The following DENND5B variants were observed in gnomAD, a reference collection of about 807,000 sequenced individuals.
DENND5B encodes the protein DENN domain containing 5B.
A neutral mutation model predicts 140.6 loss-of-function variants in DENND5B; 34 were observed. That is an observed-to-expected ratio of 0.24 (90% CI 0.18 to 0.32). The LOEUF (loss-of-function observed/expected upper bound fraction) is 0.32. Ranked by LOEUF, DENND5B falls within the 10% of genes least tolerant of loss-of-function variation. DENND5B has a pLI of 1.00. For missense variants in DENND5B, 1,142 were observed against 1,560.2 expected (o/e 0.73, Z 4.52); for synonymous variants, 551 against 562.1 (o/e 0.98, Z 0.28).
chr12:31,426,209 ATGGGGGTTAAC>A, intron 9 of DENND5B, 73 bp downstream of exon 9: 1 of 1,441,686 alleles, frequency 6.9e-7, no homozygotes, highest in Non-Finnish European at 9.2e-7. Context: ...ACATGCTTAA[ATGGGGGTTAAC>A]TCAGTTCATC....
At chr12:31,513,408 G>C (rs1218355159) in intron 1 of DENND5B, among the ~76,000 whole-genome samples, 2 of 152,172 alleles carry the variant, frequency 1.3e-5, no homozygotes, top group Admixed American at 6.5e-5. Flanking sequence ...TTCACCTCTT[G>C]AGGGTAAAGT....
At chr12:31,447,806 A>G in intron 5 of DENND5B, 37 bp from the exon 6 acceptor site, 1 of 1,426,200 alleles carries the variant, frequency 7.0e-7, no homozygotes. Flanking sequence ...TAGTGCAAAG[A>G]GACCATCTCA....
chr12:31,390,368 G>T (rs1941064955), intron 19 of DENND5B, among the ~76,000 whole-genome samples: 1 of 152,220 alleles, frequency 6.6e-6, no homozygotes, highest in Non-Finnish European at 1.5e-5. Flanking sequence ...GCCAGGCATG[G>T]TGGCTCACGC....
Position 31,409,295 on chromosome 12 carries a change from T to G in DENND5B, c.2771A>C (p.Tyr924Ser). 6.4e-7 allele frequency: 1 copy of G among 1,572,006 alleles called. No homozygotes were observed. The highest frequency in any genetic ancestry group is 8.6e-7 in the Non-Finnish European group (1 of 1,157,692). The change falls in exon 14 of 21, where the codon TAT (tyrosine) becomes TCT (serine). Residue 924 changes from tyrosine to serine, a missense_variant. Physicochemically the swap from Tyr to Ser is moderately radical, Grantham distance 144 (BLOSUM62 -2). Around this residue, in one of 5 missense-constraint regions of DENND5B, gnomAD observed 268 missense variants for 349.2 expected, o/e 0.77. Transcript: ENST00000389082. ...GGTGAACACACTGGTGAAGCAGAAA[T>G]AGTCCACAGCATTGAGAGAAAGAAG... ...YHLLSLNAVD[Y>S]FCFTSVFTTI...
chr12:31,385,128 G>C lies in DENND5B; in HGVS notation c.*2475C>G, dbSNP rs1408955897. 1.3e-5 allele frequency: 2 copies of C among 152,088 alleles called. No homozygotes were observed. Among genetic ancestry groups the C allele is most frequent in the African/African-American group, 2.4e-5 (1 of 41,390 alleles). The allele number at this position is 152,088 out of a possible 1,614,324, so 9.4% of individuals were successfully genotyped here. On this transcript the variant is annotated 3_prime_UTR_variant, in exon 21 of 21. Coordinates refer to ENST00000389082, the MANE Select transcript of DENND5B (RefSeq NM_144973.4). ...TAATTCCCAATAATCTGAGAGCAAT[G>C]TGTTAATATGAATATTAATTCTTCT... is the stretch of plus-strand genomic sequence containing the variant.
At chr12:31,524,041 CTT>C (rs148193944) in intron 1 of DENND5B, among the ~76,000 whole-genome samples, 55 of 121,526 alleles carry the variant, frequency 4.5e-4, no homozygotes, top group Middle Eastern at 4.4e-3. Flanking sequence ...CTACTGAGCC[CTT>C]TTTTTTTTTT....
Position 31,384,122 on chromosome 12 carries a change from C to T in DENND5B, c.*3481G>A, listed in dbSNP as rs1593021237. 6.6e-6 allele frequency: 1 copy of T among 152,324 alleles called. No individual in the cohort carries two copies. The highest frequency in any genetic ancestry group is 1.9e-4 in the East Asian group (1 of 5,186). The allele number at this position is 152,324 out of a possible 1,614,324, so 9.4% of individuals were successfully genotyped here. On this transcript the variant is annotated 3_prime_UTR_variant, in exon 21 of 21. Coordinates refer to ENST00000389082, the MANE Select transcript of DENND5B (RefSeq NM_144973.4). ...TCAAGCATTTATTCTAAGCATTCTG[C>T]TACTACTGTTGTGCTCAAACTTTTG...
chr12:31,488,892 C>T (rs793177), intron 2 of DENND5B, among the ~76,000 whole-genome samples: 122,451 of 152,184 alleles, frequency 0.8, 49,647 homozygotes, highest in African/African-American at 0.89. Flanking sequence ...GATGATCAGA[C>T]TACTACTAGT....
chr12:31,449,790 C>A (rs929721030), intron 5 of DENND5B, among the ~76,000 whole-genome samples: 2 of 141,850 alleles, frequency 1.4e-5, no homozygotes, highest in Non-Finnish European at 3.0e-5. Context: ...CGTCCAGTGG[C>A]GTGATCTCAG....
At chr12:31,571,764 G>T (rs565718761) in intron 1 of DENND5B, among the ~76,000 whole-genome samples, 2 of 152,002 alleles carry the variant, frequency 1.3e-5, no homozygotes, top group African/African-American at 4.8e-5. Flanking sequence ...GAGCCACCAC[G>T]CCCGGCTAAT....
chr12:31,430,794 T>G (rs559440406), intron 8 of DENND5B, among the ~76,000 whole-genome samples: 1 of 152,338 alleles, frequency 6.6e-6, no homozygotes, highest in African/African-American at 2.4e-5. Flanking sequence ...GGTACAGTTA[T>G]TAGCCAACAG....
chr12:31,407,221 C>T (rs1357292289), intron 14 of DENND5B, among the ~76,000 whole-genome samples: 1 of 152,090 alleles, frequency 6.6e-6, no homozygotes. Flanking sequence ...ACCTCCGCCT[C>T]CCGGGTTCAA....
intron 1 of DENND5B, among the ~76,000 whole-genome samples, chr12:31,525,872 G>C (rs1948068161): frequency 6.6e-6 from 1 of 152,052 alleles, no homozygotes; most frequent in Non-Finnish European, 1.5e-5. Flanking sequence ...AAGTGCCTGT[G>C]GTCCCAGCTA....
chr12:31,551,378 T>C lies in DENND5B; in HGVS notation c.127+39328A>G, dbSNP rs563713134. Among the ~76,000 whole-genome samples the C allele has an allele frequency of 9.6e-3, 1,465 of 152,270 alleles. 27 individuals carry two copies. The highest frequency in any genetic ancestry group is 0.033 in the African/African-American group (1,386 of 41,554). ...GTCAAAGATCAGATAGTTGTAGATA[T>C]GCGGCATTATTTCTGAGGGCTCTGC... On this transcript the variant is annotated intron_variant, in intron 1 of 20. Transcript: ENST00000389082.
intron 1 of DENND5B, among the ~76,000 whole-genome samples, chr12:31,520,171 A>T (rs1947825039): frequency 2.0e-5 from 3 of 152,252 alleles, no homozygotes. Context: ...TTATTTGCAG[A>T]AGAGTTAATA....
chr12:31,463,049 G>A (rs1360612625), intron 3 of DENND5B, among the ~76,000 whole-genome samples: 2 of 152,104 alleles, frequency 1.3e-5, no homozygotes, highest in Non-Finnish European at 2.9e-5. Flanking sequence ...AATCACCTGA[G>A]GCCAGGAGTT....
chr12:31,495,788 TG>T, intron 2 of DENND5B, 21 bp downstream of exon 2: 1 of 1,506,684 alleles, frequency 6.6e-7, no homozygotes. Context: ...AAAGAGTAAA[TG>T]AGGGGAAAAA....
intron 11 of DENND5B, among the ~76,000 whole-genome samples, chr12:31,415,912 C>T (rs1293154273): frequency 6.6e-6 from 1 of 151,828 alleles, no homozygotes; most frequent in Non-Finnish European, 1.5e-5. Flanking sequence ...CTCAGCTCAC[C>T]GCAACCTCCA....
At chr12:31,443,492 CAG>C (rs1593178658) in intron 6 of DENND5B, among the ~76,000 whole-genome samples, 1 of 152,224 alleles carries the variant, frequency 6.6e-6, no homozygotes, top group South Asian at 2.1e-4. Flanking sequence ...TTGTCAAAAT[CAG>C]GGCCGCGGGG....
Sources: allele counts gnomAD v4.1 joint callset (sites outside exome capture counted in the v4.1 genomes callset), GRCh38; gene constraint gnomAD v4.1.1; regional missense constraint gnomAD v4.1.1; transcripts MANE v1.5; gene names NCBI Gene and HGNC (gene_info 2026-07-23, HGNC 2026-07-21).